GLIS3: variants seen among roughly 807,000 people sequenced by gnomAD.
GLIS3 encodes zinc finger protein GLIS3.
In GLIS3, 53 loss-of-function variants were observed where a neutral mutation model predicts 78.6. The observed-to-expected ratio is 0.67, with a 90% CI of 0.54 to 0.85. GLIS3 has a LOEUF of 0.85. GLIS3 is among the 40% of genes least tolerant of loss of function. The pLI, the probability that GLIS3 is intolerant of heterozygous loss-of-function variation, is 0.00. For missense variants in GLIS3, 1,703 were observed against 1,231.1 expected, an observed-to-expected ratio of 1.38 and a Z score of -5.74; for synonymous variants, 684 against 509.9, an observed-to-expected ratio of 1.34 and a Z score of -4.60.
chr9:3,863,573 A>G (rs575485621), intron 8 of GLIS3, among the ~76,000 whole-genome samples: 2 of 152,350 alleles, frequency 1.3e-5, no homozygotes, highest in East Asian at 1.9e-4. Context: ...ATAATTCATA[A>G]GGTTGGAAAA....
At chr9:3,966,792 A>C (rs1181733782) in intron 4 of GLIS3, among the ~76,000 whole-genome samples, 1 of 151,838 alleles carries the variant, frequency 6.6e-6, no homozygotes, top group African/African-American at 2.4e-5. Flanking sequence ...AACAAAAAAC[A>C]AAAAACCCTT....
chr9:4,092,369 G>C (rs1829593222), intron 4 of GLIS3, among the ~76,000 whole-genome samples: 1 of 151,654 alleles, frequency 6.6e-6, no homozygotes, highest in African/African-American at 2.4e-5. Context: ...AACCAGGATG[G>C]TCTCGATCTC....
chr9:4,192,938 C>T (rs942420275), intron 2 of GLIS3, among the ~76,000 whole-genome samples: 1 of 152,180 alleles, frequency 6.6e-6, no homozygotes, highest in African/African-American at 2.4e-5. Flanking sequence ...CAGGATACTG[C>T]AAGGAGGTCA....
At chr9:4,401,964 C>T in the GLIS3 span, among the ~76,000 whole-genome samples, 1 of 152,114 alleles carries the variant, frequency 6.6e-6, no homozygotes, top group African/African-American at 2.4e-5. Context: ...ACCAGCTTAG[C>T]TATAGTAGAA....
At chr9:4,136,914 A>C (rs1833447144) in intron 2 of GLIS3, among the ~76,000 whole-genome samples, 1 of 152,210 alleles carries the variant, frequency 6.6e-6, no homozygotes, top group Admixed American at 6.5e-5. Flanking sequence ...GCTCCACTGC[A>C]AACCAACTAA....
the GLIS3 span, among the ~76,000 whole-genome samples, chr9:4,409,104 T>C: frequency 6.6e-6 from 1 of 152,188 alleles, no homozygotes; most frequent in African/African-American, 2.4e-5. Context: ...TAAACCAGTC[T>C]TGTATGGGAA....
At chr9:4,358,159 T>C in the GLIS3 span, among the ~76,000 whole-genome samples, 1 of 152,162 alleles carries the variant, frequency 6.6e-6, no homozygotes, top group Non-Finnish European at 1.5e-5. Context: ...TGTATGTGTG[T>C]ATATATGCAA....
At chr9:4,343,772 G>A (rs927200063) in intron 2 of GLIS3, among the ~76,000 whole-genome samples, 1 of 152,180 alleles carries the variant, frequency 6.6e-6, no homozygotes, top group East Asian at 1.9e-4. Context: ...CAGCAACATG[G>A]ATGCAGCTGG....
At chr9:4,377,377 C>CTT in the GLIS3 span, among the ~76,000 whole-genome samples, 1 of 135,366 alleles carries the variant, frequency 7.4e-6, no homozygotes, top group African/African-American at 2.6e-5. Context: ...ACTCCAGGTT[C>CTT]TTTGGCTTTT....
In GLIS3 at chr9:4,162,899, C is replaced by A. The variant is rs78265658; in HGVS notation, c.389-36958G>T. On this transcript the variant is annotated intron_variant, in intron 2 of 10. Coordinates refer to ENST00000381971, the MANE Select transcript of GLIS3 (RefSeq NM_001042413.2). ...AAAAAAAATCAATCGCCAACAGATCCATCCATGCAAAAATACCTACACAGC... is the reference window on the plus strand; with the variant it reads ...AAAAAAAATCAATCGCCAACAGATCAATCCATGCAAAAATACCTACACAGC... Among the ~76,000 whole-genome samples the A allele has an allele frequency of 7.3e-3, 1,080 of 148,698 alleles. 8 individuals carry two copies. Among genetic ancestry groups the A allele is most frequent in the African/African-American group, 0.024 (998 of 40,780 alleles).
At chr9:4,276,724 C>G (rs929657487) in intron 2 of GLIS3, among the ~76,000 whole-genome samples, 10 of 152,100 alleles carry the variant, frequency 6.6e-5, no homozygotes, top group Non-Finnish European at 1.2e-4. Flanking sequence ...TGGAACAAAT[C>G]ACGCCTCCGA....
chr9:4,415,858 A>G, the GLIS3 span, among the ~76,000 whole-genome samples: 6 of 152,026 alleles, frequency 3.9e-5, no homozygotes, highest in African/African-American at 1.4e-4. Flanking sequence ...TGGAACAGTC[A>G]AACAGTTCAG....
the GLIS3 span, among the ~76,000 whole-genome samples, chr9:4,430,586 C>G: frequency 6.6e-6 from 1 of 152,270 alleles, no homozygotes; most frequent in Admixed American, 6.5e-5. Context: ...TTATAACTGG[C>G]TTTATGGTTT....
chr9:4,123,625 T>TTATATA, intron 3 of GLIS3: 1 of 378,964 alleles, frequency 2.6e-6, no homozygotes, highest in Non-Finnish European at 4.7e-6. Flanking sequence ...AAAGAGGCTT[T>TTATATA]TATTATAAAA....
chr9:3,924,236 A>G (rs1443923017), intron 6 of GLIS3, among the ~76,000 whole-genome samples: 3 of 152,214 alleles, frequency 2.0e-5, no homozygotes, highest in African/African-American at 7.2e-5. Flanking sequence ...GAAGGAAAAT[A>G]TTTCCAAGGA....
intron 4 of GLIS3, among the ~76,000 whole-genome samples, chr9:4,099,216 C>G (rs1830182329): frequency 6.6e-6 from 1 of 152,214 alleles, no homozygotes; most frequent in Non-Finnish European, 1.5e-5. Flanking sequence ...AATGCATCGT[C>G]TTTAATGGGT....
At chr9:3,884,146 G>A (rs1378567092) in intron 7 of GLIS3, among the ~76,000 whole-genome samples, 1 of 152,210 alleles carries the variant, frequency 6.6e-6, no homozygotes, top group Non-Finnish European at 1.5e-5. Context: ...TTAGTATGCA[G>A]TTCTCTTTGT....
chr9:4,314,731 G>C (rs951327383), intron 2 of GLIS3, among the ~76,000 whole-genome samples: 2 of 152,204 alleles, frequency 1.3e-5, no homozygotes, highest in Non-Finnish European at 2.9e-5. Context: ...GGCAGAACTG[G>C]GTTTAGATTT....
At chr9:4,160,280 G>A (rs1835372641) in intron 2 of GLIS3, among the ~76,000 whole-genome samples, 1 of 152,202 alleles carries the variant, frequency 6.6e-6, no homozygotes. Flanking sequence ...CTAAGGAACT[G>A]ACCACGCTGG....
Sources: gnomAD v4.1 joint callset for allele counts (sites outside exome capture counted in the v4.1 genomes callset) on GRCh38, gnomAD v4.1.1 for gene constraint, MANE v1.5 for transcripts, NCBI Gene and HGNC (gene_info 2026-07-23, HGNC 2026-07-21) for gene names.